The following ARID1B variants were observed in gnomAD, a reference collection of about 807,000 sequenced individuals.
ARID1B encodes AT-rich interaction domain 1B.
In ARID1B, 30 loss-of-function variants were observed where a neutral mutation model predicts 212.3. The ratio of observed to expected loss-of-function variants is 0.14; its 90% CI spans 0.11 to 0.19. ARID1B has a LOEUF of 0.19. ARID1B is among the 10% of genes least tolerant of loss of function. The pLI is 1.00. For missense variants in ARID1B, 2,891 were observed against 3,204.0 expected (o/e 0.90, Z 2.36); for synonymous variants, 1,402 against 1,301.7 (o/e 1.08, Z -1.66).
At chr6:157,073,691 T>G (rs544519892) in intron 4 of ARID1B, among the ~76,000 whole-genome samples, 1 of 152,342 alleles carries the variant, frequency 6.6e-6, no homozygotes, top group Non-Finnish European at 1.5e-5. Context: ...GGTAACTTGC[T>G]TAAGGTTAGG....
intron 7 of ARID1B, among the ~76,000 whole-genome samples, chr6:157,135,869 C>A (rs940202130): frequency 6.6e-6 from 1 of 152,042 alleles, no homozygotes; most frequent in Non-Finnish European, 1.5e-5. Context: ...GTGTTCATAT[C>A]TCTGGAATGA....
chr6:157,064,533 C>T (rs1472677572), intron 4 of ARID1B, among the ~76,000 whole-genome samples: 1 of 152,068 alleles, frequency 6.6e-6, no homozygotes, highest in East Asian at 1.9e-4. Context: ...AATTTTTACT[C>T]TTCTAATGCT....
At chr6:157,195,729 C>T (rs976452009) in intron 15 of ARID1B, 1 of 163,814 alleles carries the variant, frequency 6.1e-6, no homozygotes, top group Non-Finnish European at 1.3e-5. Context: ...GGCTCCACAA[C>T]TTATGCTCTT....
chr6:157,127,251 A>G (rs893220888), intron 6 of ARID1B, among the ~76,000 whole-genome samples: 4 of 152,192 alleles, frequency 2.6e-5, no homozygotes, highest in Admixed American at 2.6e-4. Context: ...AAAAAGGTGA[A>G]GTCACTGGCT....
In ARID1B at chr6:157,173,911, A is replaced by C; in HGVS notation, c.3236-97A>C. The C allele has an allele frequency of 3.0e-6, 3 of 996,936 alleles. No homozygotes were observed. In the South Asian group the frequency reaches 4.9e-5, roughly 16 times the overall value. 61.8% of individuals were successfully genotyped at this position (996,936 alleles called of 1,614,324 possible). The stretch of plus-strand genomic sequence containing the variant: ...TCTTTTCTTCCTTCAAGGGAAATGC[A>C]AGGGCCTCCTGCTTCACTCTGTAAC... On this transcript the variant is annotated intron_variant, in intron 9 of 19. Coordinates refer to ENST00000636930, the MANE Select transcript of ARID1B (RefSeq NM_001374828.1).
At position 156,897,191 on chromosome 6, in the gene ARID1B, ACTGCTG is replaced by A. The variant is rs576037969; in HGVS notation, c.1987-4161_1987-4156del. On this transcript the variant is annotated intron_variant, in intron 2 of 19. Coordinates refer to ENST00000636930, the MANE Select transcript of ARID1B (RefSeq NM_001374828.1). ...AGCAAATTCTTCTTTTGCTGCTGCT[ACTGCTG>A]CTGCTGCTGCTGCTGCTGCTGCTTC... is the stretch of plus-strand genomic sequence containing the variant. Among the ~76,000 whole-genome samples the A allele has an allele frequency of 1.4e-4, 16 of 112,104 alleles. 1 individual carries two copies. Among genetic ancestry groups the A allele is most frequent in the African/African-American group, 3.6e-4 (11 of 30,654 alleles). The allele number at this position is 112,104 out of a possible 152,430, so 73.5% of individuals were successfully genotyped here. A position where few individuals can be genotyped will look rare whatever the true frequency, so the allele number is the denominator to read the frequency against.
At chr6:157,154,580 GTTTTTTTTTTTT>G (rs1274752634) in intron 8 of ARID1B, among the ~76,000 whole-genome samples, 1 of 111,566 alleles carries the variant, frequency 9.0e-6, no homozygotes, top group South Asian at 3.1e-4. Context: ...TTTTTTTTTT[GTTTTTTTTTTTT>G]TTTTTTGAGT....
intron 1 of ARID1B, among the ~76,000 whole-genome samples, chr6:156,814,660 C>T (rs1228234121): frequency 6.6e-6 from 1 of 152,036 alleles, no homozygotes; most frequent in Non-Finnish European, 1.5e-5. Flanking sequence ...GAGATGGGGT[C>T]CCAAGATTTA....
chr6:157,058,263 GGT>G (rs1179050990), intron 4 of ARID1B, among the ~76,000 whole-genome samples: 1 of 149,560 alleles, frequency 6.7e-6, no homozygotes, highest in African/African-American at 2.5e-5. Flanking sequence ...ACTTTATCTT[GGT>G]CTTTTTTTTT....
At chr6:156,995,728 T>A (rs754857909) in intron 4 of ARID1B, among the ~76,000 whole-genome samples, 9 of 152,220 alleles carry the variant, frequency 5.9e-5, no homozygotes, top group Admixed American at 5.9e-4. Flanking sequence ...TATCACCAGA[T>A]GAGATGGAGA....
At chr6:156,861,325 G>A (rs1435480199) in intron 2 of ARID1B, among the ~76,000 whole-genome samples, 2 of 152,232 alleles carry the variant, frequency 1.3e-5, no homozygotes, top group African/African-American at 2.4e-5. Context: ...ACCAGGCCAG[G>A]CGTGGTGGTT....
At position 157,196,146 on chromosome 6, in the gene ARID1B, T is replaced by G. The variant is rs1793702629; in HGVS notation, c.4232-19T>G. On this transcript the variant is annotated intron_variant, in intron 15 of 19. Transcript: ENST00000636930. The stretch of plus-strand genomic sequence containing the variant: ...TTCAGAAATGCCTAAATGTATGCAT[T>G]TTATTTAAAATATTGCAGTGCCTGG... 1 of 1,610,764 alleles carries G rather than the reference T, an allele frequency of 6.2e-7. No homozygotes were observed. The highest frequency in any genetic ancestry group is 1.3e-5 in the African/African-American group (1 of 74,636).
chr6:156,871,573 C>G (rs1182553107), intron 2 of ARID1B: 2 of 1,573,966 alleles, frequency 1.3e-6, no homozygotes, highest in Non-Finnish European at 8.7e-7. Context: ...GGACTGACTC[C>G]AACACTGTTG....
intron 8 of ARID1B, among the ~76,000 whole-genome samples, chr6:157,159,491 T>C (rs761813903): frequency 1.3e-5 from 2 of 152,158 alleles, no homozygotes; most frequent in Non-Finnish European, 2.9e-5. Context: ...AAGGAAGAGC[T>C]GAATCTTGAA....
intron 6 of ARID1B, among the ~76,000 whole-genome samples, chr6:157,131,941 G>C (rs187382660): frequency 3.3e-5 from 5 of 152,222 alleles, no homozygotes; most frequent in Admixed American, 6.5e-5. Context: ...CACCCACCTC[G>C]ACCTCCCAGA....
chr6:157,167,268 G>A (rs752795679), intron 9 of ARID1B, 83 bp downstream of exon 9: 39 of 1,474,660 alleles, frequency 2.6e-5, no homozygotes, highest in Non-Finnish European at 3.2e-5. Flanking sequence ...CTGCCTAAAC[G>A]GCCCGAGAAG....
rs1366126240 is a variant in ARID1B, at chr6:156,880,704, C to G, written c.1987-20672C>G. ...TCAGTGAGCCAAGATCGTGCAACTG[C>G]ACTCCAGCCTGGGCCACGGAGCGAG... On this transcript the variant is annotated intron_variant, in intron 2 of 19. Coordinates refer to ENST00000636930, the MANE Select transcript of ARID1B (RefSeq NM_001374828.1). Among the ~76,000 whole-genome samples, 6 of 129,478 alleles carry G rather than the reference C, an allele frequency of 4.6e-5. No homozygotes were observed. In the South Asian group the frequency reaches 1.4e-3, roughly 31 times the overall value. 84.9% of individuals were successfully genotyped at this position (129,478 alleles called of 152,430 possible).
At chr6:156,885,637 A>C (rs569932628) in intron 2 of ARID1B, among the ~76,000 whole-genome samples, 1 of 152,328 alleles carries the variant, frequency 6.6e-6, no homozygotes, top group South Asian at 2.1e-4. Context: ...GTTCTTCTCA[A>C]GGGAAATAAC....
intron 4 of ARID1B, chr6:156,976,791 G>T: frequency 1.8e-6 from 1 of 553,952 alleles, no homozygotes; most frequent in South Asian, 1.4e-5. Context: ...CAAACCCATC[G>T]GCAGGAAAAA....
Sources: gnomAD v4.1 joint callset for allele counts (sites outside exome capture counted in the v4.1 genomes callset) on GRCh38, gnomAD v4.1.1 for gene constraint, MANE v1.5 for transcripts, NCBI Gene and HGNC (gene_info 2026-07-23, HGNC 2026-07-21) for gene names.